NBEA: variants seen among roughly 807,000 people sequenced by gnomAD.
NBEA encodes neurobeachin, also known as lysosomal-trafficking regulator 2.
Under a neutral mutation model 343.4 loss-of-function variants are expected in NBEA, and 44 were observed. That is an observed-to-expected ratio of 0.13 (90% confidence interval 0.10 to 0.16). The LOEUF (loss-of-function observed/expected upper bound fraction) is 0.16, where lower values mean the gene tolerates loss of function less well. NBEA is among the 10% of genes least tolerant of loss of function. The probability of loss-of-function intolerance (pLI) is 1.00; values close to 1 mark genes in which losing one functional copy is unlikely to be tolerated. For synonymous variants in NBEA, 1,175 were observed against 1,238.7 expected (o/e 0.95, Z 1.08); for missense variants, 2,555 against 3,631.3 (o/e 0.70, Z 7.62).
intron 34 of NBEA, among the ~76,000 whole-genome samples, chr13:35,240,003 A>C (rs1194506698): frequency 6.6e-6 from 1 of 151,478 alleles, no homozygotes; most frequent in Non-Finnish European, 1.5e-5. Flanking sequence ...AGCATCCATA[A>C]ATCTATTAGG....
At chr13:35,507,578 TC>T (rs746601253) in intron 41 of NBEA, among the ~76,000 whole-genome samples, 3 of 152,166 alleles carry the variant, frequency 2.0e-5, no homozygotes, top group Non-Finnish European at 2.9e-5. Context: ...TTATCACAGT[TC>T]CTTTCAGCTC....
At chr13:34,983,446 T>G (rs1593359543) in intron 1 of NBEA, among the ~76,000 whole-genome samples, 1 of 152,186 alleles carries the variant, frequency 6.6e-6, no homozygotes, top group African/African-American at 2.4e-5. Flanking sequence ...GGGTTGGTTC[T>G]AAGTCTTTGC....
At chr13:35,316,159 G>A (rs188949843) in intron 36 of NBEA, among the ~76,000 whole-genome samples, 93 of 151,968 alleles carry the variant, frequency 6.1e-4, no homozygotes, top group African/African-American at 2.2e-3. Context: ...GGCAGAACAT[G>A]CAGGTTTGTT....
At chr13:35,269,542 A>G (rs2033965730) in intron 34 of NBEA, among the ~76,000 whole-genome samples, 3 of 152,220 alleles carry the variant, frequency 2.0e-5, no homozygotes, top group African/African-American at 7.2e-5. Flanking sequence ...AACAGACCAC[A>G]TGATGTCATC....
chr13:35,083,358 T>C (rs2064532544), intron 10 of NBEA, among the ~76,000 whole-genome samples: 1 of 151,762 alleles, frequency 6.6e-6, no homozygotes, highest in Non-Finnish European at 1.5e-5. Context: ...GCGTGATGCC[T>C]CCAGGGTCGG....
chr13:34,979,605 A>C (rs2060290849), intron 1 of NBEA, among the ~76,000 whole-genome samples: 1 of 152,124 alleles, frequency 6.6e-6, no homozygotes, highest in South Asian at 2.1e-4. Flanking sequence ...AAAATGTAAG[A>C]GTTCATTATC....
At chr13:35,230,665 G>A (rs1245887836) in intron 33 of NBEA, among the ~76,000 whole-genome samples, 2 of 152,006 alleles carry the variant, frequency 1.3e-5, no homozygotes, top group Non-Finnish European at 2.9e-5. Context: ...ATTCAAAAAA[G>A]AATCTCTTTG....
intron 31 of NBEA, among the ~76,000 whole-genome samples, chr13:35,199,977 TGCTA>T (rs1315302302): frequency 1.3e-5 from 2 of 152,058 alleles, no homozygotes; most frequent in Non-Finnish European, 2.9e-5. Flanking sequence ...AGTATTAAAA[TGCTA>T]GAGATCCTCT....
intron 1 of NBEA, among the ~76,000 whole-genome samples, chr13:34,973,167 C>T (rs2060053271): frequency 6.6e-6 from 1 of 152,270 alleles, no homozygotes; most frequent in South Asian, 2.1e-4. Context: ...CCTACCCCTT[C>T]CTCTGGGTGC....
chr13:34,965,609 AC>A (rs2059795952), intron 1 of NBEA, among the ~76,000 whole-genome samples: 1 of 151,906 alleles, frequency 6.6e-6, no homozygotes, highest in South Asian at 2.1e-4. Context: ...GAAAATTCAT[AC>A]ATATTCTTTA....
In NBEA at chr13:35,527,034, T is replaced by C. The variant is rs2152996007; in HGVS notation, c.6586-23443T>C. Reference sequence around the variant, plus strand: ...CCCCAGCTCTTCTCTTCCTCTCTCCTTCTCTCTTCTCTCCTTCTTATCTCC... The same window carrying C: ...CCCCAGCTCTTCTCTTCCTCTCTCCCTCTCTCTTCTCTCCTTCTTATCTCC... On this transcript the variant is annotated intron_variant, in intron 41 of 58. Transcript: ENST00000379939. 1.3e-5 allele frequency among the ~76,000 whole-genome samples: 2 copies of C among 152,168 alleles called. 1 individual carries two copies. The highest frequency in any genetic ancestry group is 4.2e-4 in the South Asian group (2 of 4,816).
intron 1 of NBEA, among the ~76,000 whole-genome samples, chr13:34,972,437 C>T (rs1334706928): frequency 6.6e-6 from 1 of 152,086 alleles, no homozygotes; most frequent in African/African-American, 2.4e-5. Context: ...AACTTGAGAT[C>T]TCTCTAATTT....
intron 39 of NBEA, among the ~76,000 whole-genome samples, chr13:35,439,603 C>T (rs2045625971): frequency 6.6e-6 from 1 of 151,962 alleles, no homozygotes; most frequent in Non-Finnish European, 1.5e-5. Context: ...AAACAAAAAC[C>T]ATTTGAGGAT....
At chr13:35,464,258 A>G (rs1306672295) in intron 40 of NBEA, among the ~76,000 whole-genome samples, 1 of 152,184 alleles carries the variant, frequency 6.6e-6, no homozygotes, top group Admixed American at 6.5e-5. Flanking sequence ...ACATTCAAGT[A>G]TATGTATGAT....
At chr13:35,153,270 T>TGATCAGGAGAG (rs1321159410) in intron 18 of NBEA, among the ~76,000 whole-genome samples, 1 of 152,104 alleles carries the variant, frequency 6.6e-6, no homozygotes, top group Non-Finnish European at 1.5e-5. Flanking sequence ...CCTGACCTTG[T>TGATCAGGAGAG]GATCCACCCA....
chr13:35,372,228 C>T (rs1243510994), intron 38 of NBEA, among the ~76,000 whole-genome samples: 2 of 152,276 alleles, frequency 1.3e-5, no homozygotes, highest in East Asian at 1.9e-4. Context: ...AACCCTCCGG[C>T]TCCCAAGTTG....
intron 36 of NBEA, among the ~76,000 whole-genome samples, chr13:35,348,220 A>G (rs1340498791): frequency 6.6e-6 from 1 of 152,208 alleles, no homozygotes; most frequent in East Asian, 1.9e-4. Context: ...CACTGTGTGT[A>G]CATGTGAAAA....
chr13:35,439,507 G>A (rs1416581130), intron 39 of NBEA, among the ~76,000 whole-genome samples: 1 of 152,112 alleles, frequency 6.6e-6, no homozygotes, highest in African/African-American at 2.4e-5. Context: ...CCTTTGAATG[G>A]CCTTAATATT....
At chr13:35,665,046 A>C (rs201077900) in intron 55 of NBEA, 39 bp from the exon 56 acceptor site, 1 of 1,357,814 alleles carries the variant, frequency 7.4e-7, no homozygotes, top group Non-Finnish European at 1.0e-6. Flanking sequence ...TCCCCCTGCT[A>C]TTGGTCTGTA....
Sources: allele counts gnomAD v4.1 joint callset (sites outside exome capture counted in the v4.1 genomes callset), GRCh38; gene constraint gnomAD v4.1.1; transcripts MANE v1.5; gene names NCBI Gene and HGNC (gene_info 2026-07-23, HGNC 2026-07-21).